The following PAK1 variants were observed in gnomAD, a reference collection of about 807,000 sequenced individuals.
PAK1 encodes the protein p21 (RAC1) activated kinase 1, also known as serine/threonine-protein kinase PAK 1.
Under a neutral mutation model 67.4 loss-of-function variants are expected in PAK1, and 29 were observed. The ratio of observed to expected loss-of-function variants is 0.43; its 90% CI spans 0.32 to 0.59. The LOEUF is 0.59. Among genes scored for constraint, PAK1 ranks in the 20% least tolerant of loss-of-function variants. The pLI, the probability that PAK1 is intolerant of heterozygous loss-of-function variation, is 0.07. For missense variants in PAK1, 337 were observed against 670.7 expected (o/e 0.50, Z 5.50); for synonymous variants, 223 against 237.4 (o/e 0.94, Z 0.56).
chr11:77,456,194 T>C (rs1957071080), intron 1 of PAK1, among the ~76,000 whole-genome samples: 1 of 152,170 alleles, frequency 6.6e-6, no homozygotes, highest in African/African-American at 2.4e-5. Context: ...AAAAATACCA[T>C]ACTAGAAGCT....
At chr11:77,342,391 A>G (rs1395045524) in intron 10 of PAK1, among the ~76,000 whole-genome samples, 1 of 152,204 alleles carries the variant, frequency 6.6e-6, no homozygotes, top group African/African-American at 2.4e-5. Flanking sequence ...AATTCCTTCA[A>G]TAACATCGTT....
the PAK1 span, among the ~76,000 whole-genome samples, chr11:77,490,368 G>A: frequency 9.9e-5 from 14 of 141,670 alleles, no homozygotes; most frequent in Non-Finnish European, 1.7e-4. Flanking sequence ...CGCCCCGTCC[G>A]GGAGGTGAGG....
intron 2 of PAK1, among the ~76,000 whole-genome samples, chr11:77,385,022 T>C (rs1241133928): frequency 1.3e-5 from 2 of 152,228 alleles, no homozygotes; most frequent in Non-Finnish European, 2.9e-5. Context: ...ATATCAATCA[T>C]GATTAGAAAC....
the PAK1 span, among the ~76,000 whole-genome samples, chr11:77,484,368 G>A: frequency 6.6e-6 from 1 of 152,086 alleles, no homozygotes; most frequent in Non-Finnish European, 1.5e-5. Context: ...TGGTCCTGGT[G>A]GTTAGATTGT....
At chr11:77,518,942 A>G in the PAK1 span, among the ~76,000 whole-genome samples, 3 of 152,160 alleles carry the variant, frequency 2.0e-5, no homozygotes, top group African/African-American at 4.8e-5. Context: ...GAATTGTGCC[A>G]TATTTGCTTC....
chr11:77,430,754 G>T (rs1222731405), intron 1 of PAK1, among the ~76,000 whole-genome samples: 6 of 152,200 alleles, frequency 3.9e-5, no homozygotes, highest in Admixed American at 3.9e-4. Context: ...AATAATTGTT[G>T]TAAAGCGTTA....
chr11:77,415,603 C>T (rs939971748), intron 1 of PAK1, among the ~76,000 whole-genome samples: 3 of 151,276 alleles, frequency 2.0e-5, no homozygotes, highest in South Asian at 2.1e-4. Context: ...AGTAAAAATA[C>T]GCCATAAAAG....
intron 4 of PAK1, 115 bp from the exon 5 acceptor site, chr11:77,374,480 G>A (rs2136982003): frequency 2.8e-6 from 2 of 704,082 alleles, no homozygotes; most frequent in South Asian, 1.7e-5. Context: ...AATAGTAATA[G>A]TATGACTGGT....
chr11:77,414,336 T>C (rs1954832262), intron 1 of PAK1, among the ~76,000 whole-genome samples: 2 of 152,262 alleles, frequency 1.3e-5, no homozygotes, highest in African/African-American at 2.4e-5. Context: ...TGGTTTAGTA[T>C]GGTGGCTTTT....
At chr11:77,529,764 G>T in the PAK1 span, among the ~76,000 whole-genome samples, 1 of 152,120 alleles carries the variant, frequency 6.6e-6, no homozygotes, top group African/African-American at 2.4e-5. Context: ...GGCATTCCAA[G>T]AAAAGAAAAA....
chr11:77,398,917 G>A (rs644551), intron 1 of PAK1, among the ~76,000 whole-genome samples: 32,394 of 152,106 alleles, frequency 0.21, 4,579 homozygotes, highest in Non-Finnish European at 0.31. Context: ...AGCACATTTA[G>A]GCTGGACTTG....
chr11:77,486,595 C>A, the PAK1 span, among the ~76,000 whole-genome samples: 1 of 152,212 alleles, frequency 6.6e-6, no homozygotes, highest in South Asian at 2.1e-4. Context: ...CTGGCAGTGG[C>A]CACATGGCAT....
At chr11:77,501,120 C>T in the PAK1 span, among the ~76,000 whole-genome samples, 1 of 151,034 alleles carries the variant, frequency 6.6e-6, no homozygotes, top group Non-Finnish European at 1.5e-5. Context: ...CACTGCACTC[C>T]AGCCTGGGTG....
intron 5 of PAK1, among the ~76,000 whole-genome samples, chr11:77,364,972 G>T (rs959132494): frequency 3.3e-5 from 5 of 152,176 alleles, no homozygotes; most frequent in Non-Finnish European, 7.3e-5. Context: ...ATGGAGGTGG[G>T]GAGCGGTGGC....
intron 1 of PAK1, among the ~76,000 whole-genome samples, chr11:77,416,952 CAA>C (rs145248652): frequency 1.2e-4 from 16 of 132,078 alleles, no homozygotes; most frequent in Non-Finnish European, 1.3e-4. Flanking sequence ...GACTCTGTCT[CAA>C]AAAAAAAAAA....
chr11:77,492,430 C>A, the PAK1 span, among the ~76,000 whole-genome samples: 1 of 151,130 alleles, frequency 6.6e-6, no homozygotes, highest in Non-Finnish European at 1.5e-5. Context: ...TATGTTATGA[C>A]CCATAAAAGG....
At chr11:77,422,695 C>T (rs1167778889) in intron 1 of PAK1, among the ~76,000 whole-genome samples, 1 of 152,184 alleles carries the variant, frequency 6.6e-6, no homozygotes, top group Non-Finnish European at 1.5e-5. Flanking sequence ...ATTTTTCCAG[C>T]CTCCTTTAAA....
At chr11:77,489,423 TCTCTCC>T in the PAK1 span, among the ~76,000 whole-genome samples, 2 of 143,084 alleles carry the variant, frequency 1.4e-5, no homozygotes, top group African/African-American at 5.1e-5. Flanking sequence ...CTCTCCTCTC[TCTCTCC>T]CCTCTCCCCT....
chr11:77,379,135 C>T (rs1015528407), intron 4 of PAK1, 106 bp downstream of exon 4: 1 of 974,900 alleles, frequency 1.0e-6, no homozygotes, highest in South Asian at 1.9e-5. Context: ...CACTTCCACT[C>T]TTTCCACTAC....
Sources: allele counts gnomAD v4.1 joint callset (sites outside exome capture counted in the v4.1 genomes callset), GRCh38; gene constraint gnomAD v4.1.1; transcripts MANE v1.5; gene names NCBI Gene and HGNC (gene_info 2026-07-23, HGNC 2026-07-21).